The following FARS2 variants were observed in gnomAD, a reference collection of about 807,000 sequenced individuals.
The protein encoded by FARS2 is phenylalanyl-tRNA synthetase 2, mitochondrial, also known as phenylalanine--tRNA ligase, mitochondrial.
Under a neutral mutation model 46.4 loss-of-function variants are expected in FARS2, and 40 were observed. The ratio of observed to expected loss-of-function variants is 0.86; its 90% CI spans 0.67 to 1.12. The LOEUF is 1.12. Among genes scored for constraint, FARS2 ranks in the 50% most tolerant of loss-of-function variants. FARS2 has a pLI of 0.00. For synonymous variants in FARS2, 234 were observed against 214.9 expected, an observed-to-expected ratio of 1.09 and a Z score of -0.78; for missense variants, 513 against 567.9, an observed-to-expected ratio of 0.90 and a Z score of 0.98.
chr6:5,430,901 A>G, intron 3 of FARS2, 140 bp from the exon 4 acceptor site: 2 of 781,766 alleles, frequency 2.6e-6, no homozygotes, highest in East Asian at 2.7e-5. Flanking sequence ...TCACCCTAAC[A>G]TGTTGCAAAT....
intron 1 of FARS2, among the ~76,000 whole-genome samples, chr6:5,263,601 A>C (rs1765344234): frequency 6.6e-6 from 1 of 152,230 alleles, no homozygotes; most frequent in Admixed American, 6.5e-5. Flanking sequence ...TACGTCCTTT[A>C]ATAGTCATTC....
At chr6:5,605,410 A>G (rs1457068809) in intron 5 of FARS2, among the ~76,000 whole-genome samples, 1 of 152,208 alleles carries the variant, frequency 6.6e-6, no homozygotes, top group African/African-American at 2.4e-5. Flanking sequence ...GAAAGCTTTG[A>G]TCCTGGGAAG....
chr6:5,568,232 C>G (rs1251582235), intron 5 of FARS2, among the ~76,000 whole-genome samples: 1 of 152,172 alleles, frequency 6.6e-6, no homozygotes, highest in Non-Finnish European at 1.5e-5. Context: ...TCACGTTCAA[C>G]TGTCAACATA....
chr6:5,695,324 C>G (rs781456079), intron 6 of FARS2: 1 of 152,280 alleles, frequency 6.6e-6, no homozygotes, highest in Non-Finnish European at 1.5e-5. Flanking sequence ...AGTGCCACAG[C>G]AAGCCAGGGA....
At chr6:5,257,041 T>G (rs980961540), upstream of FARS2, among the ~76,000 whole-genome samples, 1 of 152,182 alleles carries the variant, frequency 6.6e-6, no homozygotes, top group East Asian at 1.9e-4. Flanking sequence ...ATCTCTACTC[T>G]GCACTGTTGT....
intron 3 of FARS2, among the ~76,000 whole-genome samples, chr6:5,405,773 T>G (rs1761554000): frequency 6.6e-6 from 1 of 152,024 alleles, no homozygotes; most frequent in Admixed American, 6.6e-5. Context: ...ATTACAGGCG[T>G]GATCCACGGC....
rs1406676922 is a variant in FARS2 at position 5,765,452 on chromosome 6, G to A, written c.1218-5839G>A. Among the ~76,000 whole-genome samples the A allele has an allele frequency of 6.6e-6, 1 of 152,204 alleles. No individual in the cohort carries two copies. The highest frequency in any genetic ancestry group is 1.5e-5 in the Non-Finnish European group (1 of 68,034). Reference sequence around the variant, plus strand: ...TGTACTATGGCATCGCTCATCACCTGCCAATGGCAGGGAGCGTGGGCTGTC... The same window carrying A: ...TGTACTATGGCATCGCTCATCACCTACCAATGGCAGGGAGCGTGGGCTGTC... On this transcript the variant is annotated intron_variant, in intron 6 of 6. Transcript: ENST00000274680. The surrounding 1 kb of genome is among the most constrained non-coding windows in gnomAD (Gnocchi z 4.0).
At chr6:5,452,941 T>C (rs895828561) in intron 4 of FARS2, among the ~76,000 whole-genome samples, 1 of 151,998 alleles carries the variant, frequency 6.6e-6, no homozygotes, top group Non-Finnish European at 1.5e-5. Context: ...GCCCACCTAA[T>C]CATATCACTA....
chr6:5,397,554 A>G (rs1032226200), intron 2 of FARS2, among the ~76,000 whole-genome samples: 2 of 152,246 alleles, frequency 1.3e-5, no homozygotes, highest in African/African-American at 2.4e-5. Context: ...GAGGAATTAT[A>G]TGGGATATCT....
intron 1 of FARS2, among the ~76,000 whole-genome samples, chr6:5,312,052 T>G (rs745563307): frequency 6.6e-6 from 1 of 152,210 alleles, no homozygotes; most frequent in Non-Finnish European, 1.5e-5. Flanking sequence ...ATAAAGCTCC[T>G]TGATTTCTAA....
intron 1 of FARS2, among the ~76,000 whole-genome samples, chr6:5,312,169 C>T (rs966976897): frequency 6.6e-6 from 1 of 152,176 alleles, no homozygotes; most frequent in Non-Finnish European, 1.5e-5. Flanking sequence ...AATTAAGCTG[C>T]AGTCCTTTTG....
intron 6 of FARS2, among the ~76,000 whole-genome samples, chr6:5,666,574 G>A (rs925315353): frequency 6.6e-5 from 10 of 152,172 alleles, no homozygotes; most frequent in Admixed American, 3.9e-4. Context: ...GACACTGGAG[G>A]CAAAGACAGA....
intron 4 of FARS2, among the ~76,000 whole-genome samples, chr6:5,498,429 C>A (rs763819729): frequency 3.7e-4 from 56 of 152,132 alleles, no homozygotes; most frequent in Non-Finnish European, 6.0e-4. Context: ...AACCATCTGA[C>A]TGTCTGATGG....
chr6:5,678,790 G>A (rs1396619238), intron 6 of FARS2, among the ~76,000 whole-genome samples: 1 of 152,182 alleles, frequency 6.6e-6, no homozygotes, highest in Non-Finnish European at 1.5e-5. Flanking sequence ...GAGTTACAGA[G>A]AGAATATGAT....
intron 3 of FARS2, among the ~76,000 whole-genome samples, chr6:5,406,256 T>C (rs1349804832): frequency 6.6e-6 from 1 of 152,328 alleles, no homozygotes; most frequent in African/African-American, 2.4e-5. Flanking sequence ...GCTACACATA[T>C]CTAAAGTGTA....
chr6:5,661,409 G>A (rs142223026), intron 6 of FARS2, among the ~76,000 whole-genome samples: 105 of 152,320 alleles, frequency 6.9e-4, no homozygotes, highest in Non-Finnish European at 1.3e-3. Context: ...CTGAAGTATG[G>A]AGAAGGTGGA....
chr6:5,695,722 T>C (rs1470349931), intron 6 of FARS2, among the ~76,000 whole-genome samples: 2 of 152,138 alleles, frequency 1.3e-5, no homozygotes, highest in African/African-American at 4.8e-5. Flanking sequence ...CTTGGAAAAG[T>C]AAACCTAATG....
intron 1 of FARS2, chr6:5,272,476 C>T (rs1361633127): frequency 6.6e-6 from 1 of 152,038 alleles, no homozygotes; most frequent in Non-Finnish European, 1.5e-5. Flanking sequence ...GGCAGAAAAA[C>T]TATGATTATA....
intron 3 of FARS2, among the ~76,000 whole-genome samples, chr6:5,410,293 A>G (rs757831350): frequency 5.3e-5 from 8 of 151,610 alleles, no homozygotes; most frequent in Non-Finnish European, 1.0e-4. Flanking sequence ...AGCTGGGATT[A>G]CAGGCGTGCG....
Sources: allele counts gnomAD v4.1 joint callset (sites outside exome capture counted in the v4.1 genomes callset), GRCh38; gene constraint gnomAD v4.1.1; non-coding constraint Gnocchi (gnomAD v3.1); transcripts MANE v1.5; gene names NCBI Gene and HGNC (gene_info 2026-07-23, HGNC 2026-07-21).